Variants in DNAH1 observed in about 807,000 individuals in gnomAD.
DNAH1 encodes the protein dynein axonemal heavy chain 1.
Under a neutral mutation model 484.3 loss-of-function variants are expected in DNAH1, and 327 were observed. That is an observed-to-expected ratio of 0.68 (90% CI 0.62 to 0.74). The LOEUF (loss-of-function observed/expected upper bound fraction) is 0.74, where lower values mean the gene tolerates loss of function less well. Ranked by LOEUF, DNAH1 falls within the 30% of genes least tolerant of loss-of-function variation. The pLI is 0.00. For synonymous variants in DNAH1, 2,192 were observed against 2,191.9 expected, an observed-to-expected ratio of 1.00 and a Z score of 0.00; for missense variants, 5,052 against 5,546.8, an observed-to-expected ratio of 0.91 and a Z score of 2.83.
chr3:52,363,117 G>C lies in DNAH1; in HGVS notation c.5217G>C (p.Lys1739Asn), dbSNP rs762911350. 1 of 1,613,970 alleles carries C rather than the reference G, an allele frequency of 6.2e-7. No homozygotes were observed. Among genetic ancestry groups the C allele is most frequent in the Non-Finnish European group, 8.5e-7 (1 of 1,179,864 alleles). Residue 1739 changes from lysine to asparagine, a missense_variant, in exon 32 of 78, where the codon AAG becomes AAC. Lys to Asn is a moderately conservative substitution (Grantham distance 94, BLOSUM62 0). Around this residue, in one of 4 missense-constraint regions of DNAH1, gnomAD observed 2,929 missense variants for 3,409.4 expected, o/e 0.86. Transcript: ENST00000420323. ...VLAKKITTTF[K>N]LSSEQLSSQD... ...CTAAGAAGATCACAACCACCTTCAA[G>C]CTGTCTTCTGAGCAGCTCAGCTCCC... is the stretch of plus-strand genomic sequence containing the variant.
intron 46 of DNAH1, among the ~76,000 whole-genome samples, chr3:52,377,539 A>C (rs1703656853): frequency 6.6e-6 from 1 of 151,916 alleles, no homozygotes; most frequent in Admixed American, 6.6e-5. Context: ...CATCGCATCC[A>C]GGCAAGAGCC....
At position 52,373,012 on chromosome 3, in the gene DNAH1, A is replaced by G. The variant is rs765427908; in HGVS notation, c.6944A>G (p.Gln2315Arg). 3 of 1,613,582 alleles carry G rather than the reference A, an allele frequency of 1.9e-6. No individual in the cohort carries two copies. The highest frequency in any genetic ancestry group is 1.1e-5 in the South Asian group (1 of 91,078). The change falls in exon 44 of 78, where the codon CAG becomes CGG. Residue 2315 changes from glutamine to arginine, a missense_variant. Gln to Arg is a conservative substitution (Grantham distance 43). This residue lies in a region of DNAH1 where 2,929 missense variants were observed against 3,409.4 expected (regional missense o/e 0.86). Transcript: ENST00000420323. ...CAGCCACCCATCGAGCTGTTGCGCC[A>G]GTGGATGGACCACGGCGGCTGGTAC... ...GAQPPIELLR[Q>R]WMDHGGWYDR... is the part of the protein sequence containing the mutation.
In DNAH1 at chr3:52,331,167, G is replaced by A. The variant is rs1259142654; in HGVS notation, c.891G>A (p.Lys297=). The A allele has an allele frequency of 1.9e-6, 3 of 1,598,918 alleles. No individual in the cohort carries two copies. The Admixed American group carries it at 5.2e-5, about 28-fold the overall frequency. The stretch of plus-strand genomic sequence containing the variant: ...TTTCAGAGGACCCCAAGAGTCAGAA[G>A]CTGAAGTACAAATGGTGCGAGGTCG... ...FLGHEDPKSQ[K]LKYKWCEVGV... The change falls in exon 7 of 78, where the codon AAG becomes AAA. Residue 297 remains lysine, a synonymous_variant. Coordinates refer to ENST00000420323, the MANE Select transcript of DNAH1 (RefSeq NM_015512.5).
At chr3:52,324,286 C>G (rs988665757) in intron 3 of DNAH1, among the ~76,000 whole-genome samples, 1 of 152,178 alleles carries the variant, frequency 6.6e-6, no homozygotes, top group Non-Finnish European at 1.5e-5. Context: ...AGATAGATGC[C>G]TGGGAGATCC....
At chr3:52,316,128 A>G (rs1700941372), upstream of DNAH1, among the ~76,000 whole-genome samples, 1 of 152,152 alleles carries the variant, frequency 6.6e-6, no homozygotes, top group Non-Finnish European at 1.5e-5. Context: ...AGCCCCTGTG[A>G]TGTCACCAGC....
Position 52,364,714 on chromosome 3 carries a change from G to A in DNAH1, c.5321G>A (p.Ser1774Asn). The A allele has an allele frequency of 6.2e-7, 1 of 1,613,408 alleles. No homozygotes were observed. Among genetic ancestry groups the A allele is most frequent in the Non-Finnish European group, 8.5e-7 (1 of 1,179,536 alleles). Reference sequence around the variant, plus strand: ...GGGAACCTCAAGCGAGAAAACCCCAGCATGAATGAGGTGAGCTCCACCCAG... The same window carrying A: ...GGGAACCTCAAGCGAGAAAACCCCAACATGAATGAGGTGAGCTCCACCCAG... ...AAGNLKRENP[S>N]MNEELICLRA... The change falls in exon 33 of 78, where the codon AGC becomes AAC. Residue 1774 changes from serine (S) to asparagine (N), a missense_variant. Coordinates refer to ENST00000420323, the MANE Select transcript of DNAH1 (RefSeq NM_015512.5). This position sits in a 1 kb window ranked among gnomAD's most constrained non-coding sequence, Gnocchi z 4.2.
chr3:52,349,508 C>A, intron 14 of DNAH1, 88 bp downstream of exon 14: 1 of 1,292,432 alleles, frequency 7.7e-7, no homozygotes, highest in Non-Finnish European at 1.1e-6. Context: ...GCAAGATGTC[C>A]CCAAGCAGGG....
At chr3:52,322,875 A>C (rs1247537740) in intron 2 of DNAH1, 100 bp downstream of exon 2, 1 of 1,055,270 alleles carries the variant, frequency 9.5e-7, no homozygotes, top group East Asian at 2.6e-5. Flanking sequence ...CCATCTGTTC[A>C]TTTAGCTGTC....
At chr3:52,366,367 C>T (rs879078922) in intron 34 of DNAH1, 90 bp from the exon 35 acceptor site, 2 of 999,774 alleles carry the variant, frequency 2.0e-6, no homozygotes, top group South Asian at 3.0e-5. Context: ...TCAGGGAGTG[C>T]AGTGACTCAC....
rs1365445198 is a variant in DNAH1 at position 52,326,322 on chromosome 3, T to C, written c.581+8T>C. ...CAAGATTGAGATCGAGAGGTACGGC[T>C]GGGTGGGCTGTGGGGAGACTGTCGG... On this transcript the variant is annotated splice_region_variant and intron_variant, in intron 4 of 77. Coordinates refer to ENST00000420323, the MANE Select transcript of DNAH1 (RefSeq NM_015512.5). 1 of 1,601,354 alleles carries C rather than the reference T, an allele frequency of 6.2e-7. No individual in the cohort carries two copies. The highest frequency in any genetic ancestry group is 2.2e-5 in the East Asian group (1 of 44,846).
chr3:52,380,511 A>G (rs1377773728), intron 48 of DNAH1, among the ~76,000 whole-genome samples: 3 of 152,194 alleles, frequency 2.0e-5, no homozygotes, highest in Non-Finnish European at 4.4e-5. Context: ...GCCTCCTGAC[A>G]GTTTCTCTCC....
rs370017937 is a variant in DNAH1 at position 52,394,644 on chromosome 3, C to G, written c.10806C>G (p.Asp3602Glu). 24 of 1,576,710 alleles carry G rather than the reference C, an allele frequency of 1.5e-5. No individual in the cohort carries two copies. Among genetic ancestry groups the G allele is most frequent in the Non-Finnish European group, 2.1e-5 (24 of 1,158,294 alleles). Residue 3602 changes from aspartate to glutamate, a missense_variant, in exon 67 of 78, where the codon GAC becomes GAG. Physicochemically the swap from Asp to Glu is conservative, Grantham distance 45. This residue lies in a region of DNAH1 where 853 missense variants were observed against 899.0 expected (regional missense o/e 0.95). Transcript: ENST00000420323. Reference protein sequence around the residue: ...KHLSEFRVIFDSLEPHREPLP... With the variant: ...KHLSEFRVIFESLEPHREPLP... Reference sequence around the variant, plus strand: ...TCTCAGAATTCCGGGTCATCTTCGACAGCCTTGAGCCCCACCGGTTAGCTG... The same window carrying G: ...TCTCAGAATTCCGGGTCATCTTCGAGAGCCTTGAGCCCCACCGGTTAGCTG...
intron 16 of DNAH1, 145 bp downstream of exon 16, chr3:52,350,735 T>C: frequency 1.2e-6 from 1 of 820,246 alleles, no homozygotes; most frequent in East Asian, 2.7e-5. Context: ...AGGCCAGGGC[T>C]CCACACATGG....
At chr3:52,335,353 A>T (rs1438240034) in intron 8 of DNAH1, among the ~76,000 whole-genome samples, 8 of 143,626 alleles carry the variant, frequency 5.6e-5, no homozygotes, top group South Asian at 2.2e-4. Flanking sequence ...TAAGCTTTTT[A>T]AAAAAATGTG....
intron 5 of DNAH1, 91 bp from the exon 6 acceptor site, chr3:52,327,791 A>G: frequency 6.7e-7 from 1 of 1,488,690 alleles, no homozygotes; most frequent in Non-Finnish European, 9.2e-7. Flanking sequence ...GGAGGGTATT[A>G]CTTAGGCACC....
In DNAH1 at chr3:52,356,696, A is replaced by G. The variant is rs1702623344; in HGVS notation, c.3776A>G (p.Gln1259Arg). Residue 1259 changes from glutamine (Q) to arginine (R), a missense_variant, in exon 22 of 78, where the codon CAG (glutamine) becomes CGG (arginine). Coordinates refer to ENST00000420323, the MANE Select transcript of DNAH1 (RefSeq NM_015512.5). ...TTTAGCTCTGAGGACATCAACCAGCAGCTGCCTGTGGAGAGCAAGCGCTAC... is the reference window on the plus strand; with the variant it reads ...TTTAGCTCTGAGGACATCAACCAGCGGCTGCCTGTGGAGAGCAAGCGCTAC... Reference protein sequence around the residue: ...PIFSSEDINQQLPVESKRYQT... With the variant: ...PIFSSEDINQRLPVESKRYQT... 2 of 1,613,958 alleles carry G rather than the reference A, an allele frequency of 1.2e-6. No individual in the cohort carries two copies. The highest frequency in any genetic ancestry group is 1.7e-6 in the Non-Finnish European group (2 of 1,179,900).
rs761468870 is a variant in DNAH1 at position 52,332,376 on chromosome 3, G to A, written c.1268G>A (p.Arg423Gln). The change falls in exon 8 of 78, where the codon CGG (arginine) becomes CAG (glutamine). Residue 423 changes from arginine to glutamine, a missense_variant. Physicochemically the swap from Arg to Gln is conservative, Grantham distance 43. Around this residue, in one of 4 missense-constraint regions of DNAH1, gnomAD observed 1,263 missense variants for 1,218.8 expected, o/e 1.04. Coordinates refer to ENST00000420323, the MANE Select transcript of DNAH1 (RefSeq NM_015512.5). ...KIKQWALSTP[R>Q]MRKGPSVLEH... Reference sequence around the variant, plus strand: ...AAGCAGTGGGCCCTGAGCACGCCTCGGATGCGCAAAGGCCCCTCGTGAGTC... The same window carrying A: ...AAGCAGTGGGCCCTGAGCACGCCTCAGATGCGCAAAGGCCCCTCGTGAGTC... 51 of 1,613,390 alleles carry A rather than the reference G, an allele frequency of 3.2e-5. No individual in the cohort carries two copies. Among genetic ancestry groups the A allele is most frequent in the Admixed American group, 1.8e-4 (11 of 60,002 alleles).
At chr3:52,347,584 G>C (rs1424244646) in intron 11 of DNAH1, among the ~76,000 whole-genome samples, 4 of 152,154 alleles carry the variant, frequency 2.6e-5, no homozygotes, top group Non-Finnish European at 5.9e-5. Flanking sequence ...GCACAGGGGT[G>C]GGGGGCCTCC....
rs1458348290 is a variant in DNAH1, at chr3:52,322,332, G to T, written c.-34-77G>T. 8 of 999,540 alleles carry T rather than the reference G, an allele frequency of 8.0e-6. No individual in the cohort carries two copies. The Admixed American group carries it at 1.7e-4, about 21-fold the overall frequency. 61.9% of individuals were successfully genotyped at this position (999,540 alleles called of 1,614,324 possible). A position where few individuals can be genotyped will look rare whatever the true frequency, so the allele number is the denominator to read the frequency against. On this transcript the variant is annotated intron_variant, in intron 1 of 77. Coordinates refer to ENST00000420323, the MANE Select transcript of DNAH1 (RefSeq NM_015512.5). The stretch of plus-strand genomic sequence containing the variant: ...ATGGGCTGGGGCTTGTGGCAGGCAG[G>T]CAATCTAGGCATCCATGTGTCTCGG...
Sources: allele counts gnomAD v4.1 joint callset (sites outside exome capture counted in the v4.1 genomes callset), GRCh38; gene constraint gnomAD v4.1.1; regional missense constraint gnomAD v4.1.1; non-coding constraint Gnocchi (gnomAD v3.1); transcripts MANE v1.5; gene names NCBI Gene and HGNC (gene_info 2026-07-23, HGNC 2026-07-21).